LBR: variants seen among roughly 807,000 people sequenced by gnomAD.
LBR encodes the protein delta(14)-sterol reductase LBR.
In LBR, 28 loss-of-function variants were observed where a neutral mutation model predicts 74.3. The observed-to-expected ratio is 0.38, with a 90% CI of 0.28 to 0.52. LBR has a LOEUF of 0.52. Ranked by LOEUF, LBR falls within the 20% of genes least tolerant of loss-of-function variation. LBR has a pLI of 0.89. For missense variants in LBR, 717 were observed against 760.3 expected (o/e 0.94, Z 0.67); for synonymous variants, 228 against 269.3 (o/e 0.85, Z 1.50).
intron 1 of LBR, among the ~76,000 whole-genome samples, chr1:225,424,602 G>T (rs2096135640): frequency 6.6e-6 from 1 of 152,054 alleles, no homozygotes; most frequent in East Asian, 1.9e-4. Context: ...ATAAATTTGG[G>T]GGTTATTTAG....
At position 225,412,337 on chromosome 1, in the gene LBR, A is replaced by C. The variant is rs1053109950; in HGVS notation, c.1084+117T>G. 8 of 856,126 alleles carry C rather than the reference A, an allele frequency of 9.3e-6. No individual in the cohort carries two copies. In the East Asian group the frequency reaches 1.3e-4, roughly 13 times the overall value. 53.0% of individuals were successfully genotyped at this position (856,126 alleles called of 1,614,324 possible). ...TTTCTTCATCTTTTCATTTTTTCTT[A>C]CTTCTCTTCATTTCCCAAAAATGAA... On this transcript the variant is annotated intron_variant, in intron 8 of 13. Coordinates refer to ENST00000272163, the MANE Select transcript of LBR (RefSeq NM_002296.4).
chr1:225,403,562 G>A (rs2096085545), intron 13 of LBR, 99 bp from the exon 14 acceptor site: 1 of 892,850 alleles, frequency 1.1e-6, no homozygotes, highest in Admixed American at 2.2e-5. Flanking sequence ...GGAACCACAA[G>A]GTACTTCATT....
chr1:225,416,978 G>A (rs914430546), intron 6 of LBR, among the ~76,000 whole-genome samples: 1 of 152,082 alleles, frequency 6.6e-6, no homozygotes, highest in Non-Finnish European at 1.5e-5. Flanking sequence ...ATCAAGGGAT[G>A]ACTGCATAAT....
At chr1:225,416,039 C>T (rs760407366) in intron 6 of LBR, among the ~76,000 whole-genome samples, 1 of 151,750 alleles carries the variant, frequency 6.6e-6, no homozygotes, top group Non-Finnish European at 1.5e-5. Flanking sequence ...CCCCTCTCTA[C>T]AAAAATACAA....
chr1:225,407,558 C>G (rs1200051430), intron 10 of LBR, among the ~76,000 whole-genome samples: 1 of 152,148 alleles, frequency 6.6e-6, no homozygotes, highest in African/African-American at 2.4e-5. Flanking sequence ...TGAGCCAGAT[C>G]GCCTCTGGCC....
chr1:225,422,791 G>A (rs2096130391), intron 2 of LBR, among the ~76,000 whole-genome samples: 1 of 152,154 alleles, frequency 6.6e-6, no homozygotes, highest in Non-Finnish European at 1.5e-5. Flanking sequence ...GACAAATTAC[G>A]CCCCAGGCCA....
intron 1 of LBR, among the ~76,000 whole-genome samples, chr1:225,426,251 C>G (rs1324876504): frequency 6.6e-6 from 1 of 152,234 alleles, no homozygotes; most frequent in African/African-American, 2.4e-5. Context: ...CGTGAGGATA[C>G]AGTGCAATCA....
chr1:225,404,872 T>C (rs2150943751), intron 11 of LBR, among the ~76,000 whole-genome samples, 166 bp from the exon 12 acceptor site: 1 of 152,298 alleles, frequency 6.6e-6, no homozygotes, highest in South Asian at 2.1e-4. Flanking sequence ...AGTGCTGGGA[T>C]TACAGGCATG....
At position 225,402,699 on chromosome 1, in the gene LBR, A is replaced by G. The variant is rs1238934835; in HGVS notation, c.*604T>C. 1 of 152,722 alleles carries G rather than the reference A, an allele frequency of 6.5e-6. No individual in the cohort carries two copies. Among genetic ancestry groups the G allele is most frequent in the Admixed American group, 6.5e-5 (1 of 15,288 alleles). 9.5% of individuals were successfully genotyped at this position (152,722 alleles called of 1,614,324 possible). A position where few individuals can be genotyped will look rare whatever the true frequency, so the allele number is the denominator to read the frequency against. ...ACAAAAAACTAAGCTATGTATTTAC[A>G]TTTTCAATGTAGTTTTAGAAGTTGA... is the stretch of plus-strand genomic sequence containing the variant. On this transcript the variant is annotated 3_prime_UTR_variant, in exon 14 of 14. Transcript: ENST00000272163.
rs1265865959 is a variant in LBR, at chr1:225,421,013, T to C, written c.366+1064A>G. Among the ~76,000 whole-genome samples the C allele has an allele frequency of 2.0e-5, 3 of 152,170 alleles. No individual in the cohort carries two copies. The East Asian group carries it at 5.8e-4, about 29-fold the overall frequency. ...AATATGGAAGGAAAAACACTAAATG[T>C]CTATCATTGACAGAGCTGACTTTAA... On this transcript the variant is annotated intron_variant, in intron 3 of 13. Transcript: ENST00000272163.
At position 225,411,390 on chromosome 1, in the gene LBR, C is replaced by A. The variant is rs748609557; in HGVS notation, c.1135G>T (p.Gly379Cys). ...FIGRELNPRI[G>C]TFDLKYFCEL... ...CAAAAGTATTTGAGATCAAAAGTAC[C>A]AATTCGAGGGTTTAATTCACGGCCA... The change falls in exon 9 of 14, where the codon GGT (glycine) becomes TGT (cysteine). Residue 379 changes from glycine to cysteine, a missense_variant. Physicochemically the swap from Gly to Cys is radical, Grantham distance 159. Coordinates refer to ENST00000272163, the MANE Select transcript of LBR (RefSeq NM_002296.4). 7 of 1,614,066 alleles carry A rather than the reference C, an allele frequency of 4.3e-6. No homozygotes were observed. In the South Asian group the frequency reaches 5.5e-5, roughly 13 times the overall value.
intron 6 of LBR, 149 bp from the exon 7 acceptor site, chr1:225,415,481 G>A (rs1019269056): frequency 2.2e-4 from 133 of 591,592 alleles, no homozygotes; most frequent in South Asian, 6.1e-5. Context: ...TTAGTAATAT[G>A]TTTCAAAAAC....
rs750278500 is a variant in LBR, at chr1:225,417,966, G to C, written c.837+18C>G. 3.7e-6 allele frequency: 6 copies of C among 1,610,934 alleles called. No individual in the cohort carries two copies. In the Admixed American group the frequency reaches 1.0e-4, roughly 27 times the overall value. On this transcript the variant is annotated intron_variant, in intron 6 of 13. Coordinates refer to ENST00000272163, the MANE Select transcript of LBR (RefSeq NM_002296.4). ...GACCTCATCTTATTAAAACAAAACA[G>C]AATTACCATAAACGTACCTTTCCAA... is the stretch of plus-strand genomic sequence containing the variant.
chr1:225,403,295 G>A lies in LBR; in HGVS notation c.*8C>T. ...GCAGGAGTATTTTGTAGAAAAGCCA[G>A]AAGAGCATTAGTAGATGTATGGAAA... is the stretch of plus-strand genomic sequence containing the variant. On this transcript the variant is annotated 3_prime_UTR_variant, in exon 14 of 14. Transcript: ENST00000272163. 6.2e-7 allele frequency: 1 copy of A among 1,613,508 alleles called. No individual in the cohort carries two copies. The highest frequency in any genetic ancestry group is 8.5e-7 in the Non-Finnish European group (1 of 1,179,528).
intron 7 of LBR, 81 bp downstream of exon 7, chr1:225,415,196 TA>T: frequency 1.1e-6 from 1 of 905,902 alleles, no homozygotes; most frequent in Non-Finnish European, 1.8e-6. Flanking sequence ...TACTCTGGTC[TA>T]ATCAGCTTTA....
chr1:225,422,634 C>CAA (rs749094551), intron 2 of LBR, among the ~76,000 whole-genome samples: 8 of 133,912 alleles, frequency 6.0e-5, no homozygotes, highest in Admixed American at 7.5e-5. Context: ...GCACACAGAC[C>CAA]AAAAAAAAAA....
intron 5 of LBR, among the ~76,000 whole-genome samples, chr1:225,418,644 G>GT (rs2096121945): frequency 6.6e-6 from 1 of 152,264 alleles, no homozygotes; most frequent in African/African-American, 2.4e-5. Flanking sequence ...GACAGCATCT[G>GT]TAACAGGCCA....
chr1:225,418,485 A>T (rs1027985584), intron 5 of LBR, among the ~76,000 whole-genome samples: 3 of 152,204 alleles, frequency 2.0e-5, no homozygotes, highest in Non-Finnish European at 4.4e-5. Flanking sequence ...ACCACTAAGG[A>T]GCGAATGTGT....
chr1:225,415,381 T>C, intron 6 of LBR, 49 bp from the exon 7 acceptor site: 1 of 910,978 alleles, frequency 1.1e-6, no homozygotes, highest in Non-Finnish European at 1.8e-6. Context: ...CACCATCATA[T>C]ATACATATAT....
Sources: allele counts gnomAD v4.1 joint callset (sites outside exome capture counted in the v4.1 genomes callset), GRCh38; gene constraint gnomAD v4.1.1; transcripts MANE v1.5; gene names NCBI Gene and HGNC (gene_info 2026-07-23, HGNC 2026-07-21).